NTNG2: variants seen among roughly 807,000 people sequenced by gnomAD.
NTNG2 encodes the protein netrin-G2.
NTNG2 carries 15 observed loss-of-function variants against 47.6 expected under a neutral mutation model. The ratio of observed to expected loss-of-function variants is 0.32; its 90% CI spans 0.21 to 0.49. NTNG2 has a LOEUF of 0.49. NTNG2 is among the 20% of genes least tolerant of loss of function. NTNG2 has a pLI of 0.99. For missense variants in NTNG2, 578 were observed against 764.6 expected, an observed-to-expected ratio of 0.76 and a Z score of 2.88; for synonymous variants, 307 against 324.6, an observed-to-expected ratio of 0.95 and a Z score of 0.58.
At position 132,208,462 on chromosome 9, in the gene NTNG2, G is replaced by A. The variant is rs1466168496; in HGVS notation, c.857+9853G>A. On this transcript the variant is annotated intron_variant, in intron 3 of 7. Coordinates refer to ENST00000393229, the MANE Select transcript of NTNG2 (RefSeq NM_032536.4). The surrounding 1 kb of genome is among the most constrained non-coding windows in gnomAD (Gnocchi z 4.0). ...TTGGAAATCTGAGTTGGGGGTGGCG[G>A]TGCTGGAGGCCTGCAGGAGACTGGG... is the stretch of plus-strand genomic sequence containing the variant. Among the ~76,000 whole-genome samples, 3 of 152,194 alleles carry A rather than the reference G, an allele frequency of 2.0e-5. No individual in the cohort carries two copies. Among genetic ancestry groups the A allele is most frequent in the Non-Finnish European group, 4.4e-5 (3 of 68,036 alleles).
Position 132,182,249 on chromosome 9 carries a change from TG to T in NTNG2, c.213+15210del, listed in dbSNP as rs374683238. ...CCTGATTGTTTTTCTGGGGAAGGAGTGGGGGAAAAAATTGCACCCAACAATG... is the reference window on the plus strand; with the variant it reads ...CCTGATTGTTTTTCTGGGGAAGGAGTGGGGAAAAAATTGCACCCAACAATG... On this transcript the variant is annotated intron_variant, in intron 2 of 7. Coordinates refer to ENST00000393229, the MANE Select transcript of NTNG2 (RefSeq NM_032536.4). The surrounding 1 kb of genome is among the most constrained non-coding windows in gnomAD (Gnocchi z 4.2). Among the ~76,000 whole-genome samples, 6 of 151,270 alleles carry T rather than the reference TG, an allele frequency of 4.0e-5. No individual in the cohort carries two copies. The highest frequency in any genetic ancestry group is 1.5e-4 in the African/African-American group (6 of 41,058).
rs1840152907 is a variant in NTNG2, at chr9:132,218,659, G to T, written c.858-8190G>T. Among the ~76,000 whole-genome samples, 1 of 152,104 alleles carries T rather than the reference G, an allele frequency of 6.6e-6. No homozygotes were observed. Among genetic ancestry groups the T allele is most frequent in the African/African-American group, 2.4e-5 (1 of 41,414 alleles). On this transcript the variant is annotated intron_variant, in intron 3 of 7. Coordinates refer to ENST00000393229, the MANE Select transcript of NTNG2 (RefSeq NM_032536.4). The surrounding 1 kb of genome is among the most constrained non-coding windows in gnomAD (Gnocchi z 5.4). ...TTACAGGCGCATGCCACCACACCCAGCTAATTTTTGTATTTTTAGTAGAGA... is the reference window on the plus strand; with the variant it reads ...TTACAGGCGCATGCCACCACACCCATCTAATTTTTGTATTTTTAGTAGAGA...
Position 132,236,574 on chromosome 9 carries a change from G to A in NTNG2, c.1055-2530G>A, listed in dbSNP as rs1358594247. Among the ~76,000 whole-genome samples, 3 of 152,234 alleles carry A rather than the reference G, an allele frequency of 2.0e-5. No individual in the cohort carries two copies. The highest frequency in any genetic ancestry group is 7.2e-5 in the African/African-American group (3 of 41,462). ...GGGCTTTGAGCGCCCTCTACTGGCA[G>A]GAAGCTCTGGCGCTGGAAGCATGTT... On this transcript the variant is annotated intron_variant, in intron 5 of 7. Coordinates refer to ENST00000393229, the MANE Select transcript of NTNG2 (RefSeq NM_032536.4). The surrounding 1 kb of genome is among the most constrained non-coding windows in gnomAD (Gnocchi z 4.3).
intron 2 of NTNG2, among the ~76,000 whole-genome samples, chr9:132,167,955 A>AT (rs1835618099): frequency 6.6e-6 from 1 of 152,192 alleles, no homozygotes; most frequent in Non-Finnish European, 1.5e-5. Context: ...CATCTGCAAA[A>AT]TGGGCACACT....
chr9:132,171,715 C>T (rs753096993), intron 2 of NTNG2, among the ~76,000 whole-genome samples: 18 of 152,232 alleles, frequency 1.2e-4, no homozygotes, highest in Non-Finnish European at 2.4e-4. Context: ...CCTTGAGCCA[C>T]TCCTCACTGT....
chr9:132,237,345 C>T (rs1841704563), intron 5 of NTNG2, among the ~76,000 whole-genome samples: 1 of 152,172 alleles, frequency 6.6e-6, no homozygotes, highest in South Asian at 2.1e-4. Flanking sequence ...CAGGGCGGCT[C>T]GGAAGCCTTT....
In NTNG2 at chr9:132,167,011, A is replaced by G. The variant is rs1427489844; in HGVS notation, c.180A>G (p.Thr60=). 6.2e-7 allele frequency: 1 copy of G among 1,614,128 alleles called. No homozygotes were observed. Among genetic ancestry groups the G allele is most frequent in the Non-Finnish European group, 8.5e-7 (1 of 1,180,040 alleles). The change falls in exon 2 of 8, where the codon ACA becomes ACG. Residue 60 remains threonine (T), a synonymous_variant. Transcript: ENST00000393229. ...TGAAGGTGGAGCCCTCAGGCATCAC[A>G]TGTGGAGACCCCCCTGAGAGGTTCT... ...VKVKVEPSGI[T]CGDPPERFCS...
At position 132,172,391 on chromosome 9, in the gene NTNG2, G is replaced by A. The variant is rs376483531; in HGVS notation, c.213+5347G>A. 3.3e-5 allele frequency among the ~76,000 whole-genome samples: 5 copies of A among 152,290 alleles called. No individual in the cohort carries two copies. The East Asian group carries it at 5.8e-4, about 18-fold the overall frequency. ...TAGAATCCCGTGCTGTGTGATCTCT[G>A]ATGTGAGACCTAACCTCTCTGAACC... On this transcript the variant is annotated intron_variant, in intron 2 of 7. Coordinates refer to ENST00000393229, the MANE Select transcript of NTNG2 (RefSeq NM_032536.4).
chr9:132,201,324 C>T (rs756934441), intron 3 of NTNG2, among the ~76,000 whole-genome samples: 42 of 152,326 alleles, frequency 2.8e-4, no homozygotes, highest in African/African-American at 8.2e-4. Flanking sequence ...CCTCTGCGGG[C>T]GGCGGGGAGG....
chr9:132,177,722 A>G (rs1031930211), intron 2 of NTNG2, among the ~76,000 whole-genome samples: 4 of 152,080 alleles, frequency 2.6e-5, no homozygotes, highest in African/African-American at 9.7e-5. Flanking sequence ...CAGTGGTGCG[A>G]TCTCAGCTCA....
intron 3 of NTNG2, among the ~76,000 whole-genome samples, chr9:132,206,764 A>G (rs1390143173): frequency 6.6e-6 from 1 of 152,256 alleles, no homozygotes; most frequent in Non-Finnish European, 1.5e-5. Context: ...CACACCTTCA[A>G]CTGCATCTCC....
chr9:132,167,798 C>A (rs914422), intron 2 of NTNG2, among the ~76,000 whole-genome samples: 13,843 of 152,188 alleles, frequency 0.091, 887 homozygotes, highest in Non-Finnish European at 0.13. Flanking sequence ...GAGATGGTTG[C>A]GTGCGAGCTG....
At chr9:132,168,307 C>T (rs1463609603) in intron 2 of NTNG2, among the ~76,000 whole-genome samples, 1 of 152,226 alleles carries the variant, frequency 6.6e-6, no homozygotes, top group East Asian at 1.9e-4. Context: ...ACAGGAGGGG[C>T]TTGATGCCAT....
At chr9:132,216,160 G>A (rs537532851) in intron 3 of NTNG2, among the ~76,000 whole-genome samples, 34 of 152,260 alleles carry the variant, frequency 2.2e-4, no homozygotes, top group African/African-American at 8.2e-4. Context: ...GACACTCACC[G>A]GCCTTTAACC....
intron 2 of NTNG2, among the ~76,000 whole-genome samples, chr9:132,190,222 G>A (rs540488577): frequency 9.4e-6 from 1 of 106,848 alleles, no homozygotes; most frequent in Non-Finnish European, 1.7e-5. Flanking sequence ...GAAAGAGAGA[G>A]ACTCCATCTC....
chr9:132,194,411 A>C (rs901240965), intron 2 of NTNG2, among the ~76,000 whole-genome samples: 5 of 152,134 alleles, frequency 3.3e-5, no homozygotes, highest in Non-Finnish European at 1.5e-5. Flanking sequence ...GGCCATCCCC[A>C]CAGCCTCTCA....
chr9:132,177,298 T>G (rs757197864), intron 2 of NTNG2, among the ~76,000 whole-genome samples: 2 of 152,240 alleles, frequency 1.3e-5, no homozygotes, highest in Non-Finnish European at 2.9e-5. Context: ...ATTTTAAATT[T>G]AATGAACTCC....
intron 2 of NTNG2, among the ~76,000 whole-genome samples, chr9:132,185,895 A>AGG (rs1402277216): frequency 2.2e-5 from 3 of 136,434 alleles, no homozygotes; most frequent in East Asian, 2.6e-4. Flanking sequence ...AGGAGGAGGG[A>AGG]AAGGAGGAGG....
intron 4 of NTNG2, among the ~76,000 whole-genome samples, chr9:132,229,748 C>T (rs886871648): frequency 3.3e-5 from 5 of 152,140 alleles, no homozygotes; most frequent in Admixed American, 6.5e-5. Flanking sequence ...CCTTGGCTTG[C>T]CCAGGAGAAG....
Sources: allele counts gnomAD v4.1 joint callset (sites outside exome capture counted in the v4.1 genomes callset), GRCh38; gene constraint gnomAD v4.1.1; non-coding constraint Gnocchi (gnomAD v3.1); transcripts MANE v1.5; gene names NCBI Gene and HGNC (gene_info 2026-07-23, HGNC 2026-07-21).